The following DGKI variants were observed in gnomAD, a reference collection of about 807,000 sequenced individuals.
DGKI encodes DAG kinase iota.
A neutral mutation model predicts 147.5 loss-of-function variants in DGKI; 55 were observed. That is an observed-to-expected ratio of 0.37 (90% CI 0.30 to 0.47). The LOEUF (loss-of-function observed/expected upper bound fraction) is 0.47. Among genes scored for constraint, DGKI ranks in the 20% least tolerant of loss-of-function variants. The pLI, the probability that DGKI is intolerant of heterozygous loss-of-function variation, is 1.00. For missense variants in DGKI, 1,007 were observed against 1,323.8 expected (o/e 0.76, Z 3.71); for synonymous variants, 469 against 477.1 (o/e 0.98, Z 0.22).
intron 1 of DGKI, among the ~76,000 whole-genome samples, chr7:137,780,507 G>T (rs984412565): frequency 3.3e-5 from 5 of 152,154 alleles, no homozygotes; most frequent in African/African-American, 1.2e-4. Flanking sequence ...AAAAGGAAGG[G>T]TGTCTACAAG....
chr7:137,679,367 T>C (rs1823149224), intron 2 of DGKI, among the ~76,000 whole-genome samples: 1 of 151,580 alleles, frequency 6.6e-6, no homozygotes, highest in Non-Finnish European at 1.5e-5. Context: ...TTTCCAGAAA[T>C]GTGTAGTGCG....
intron 1 of DGKI, among the ~76,000 whole-genome samples, chr7:137,770,335 G>A (rs866585017): frequency 1.3e-5 from 2 of 152,058 alleles, no homozygotes; most frequent in African/African-American, 2.4e-5. Context: ...AGGCAGGGGA[G>A]GGAGAGCATT....
intron 16 of DGKI, 31 bp downstream of exon 16, chr7:137,578,239 G>C (rs749808667): frequency 6.7e-7 from 1 of 1,489,604 alleles, no homozygotes; most frequent in Admixed American, 1.7e-5. Flanking sequence ...TAAGTAATAT[G>C]TAGTAATTAT....
chr7:137,803,149 T>C (rs1398440166), intron 1 of DGKI, among the ~76,000 whole-genome samples: 1 of 152,080 alleles, frequency 6.6e-6, no homozygotes, highest in African/African-American at 2.4e-5. Flanking sequence ...TTTCTACATT[T>C]GGAGAGAAGG....
chr7:137,669,941 T>G (rs1822782301), intron 3 of DGKI, among the ~76,000 whole-genome samples: 1 of 152,134 alleles, frequency 6.6e-6, no homozygotes, highest in South Asian at 2.1e-4. Flanking sequence ...CACTGACTCC[T>G]AAGATCCTAC....
intron 3 of DGKI, among the ~76,000 whole-genome samples, chr7:137,658,931 G>A (rs997792040): frequency 5.3e-5 from 8 of 152,202 alleles, no homozygotes; most frequent in African/African-American, 1.9e-4. Flanking sequence ...GTCGAGTGCT[G>A]TAAGTTCTAA....
chr7:137,567,211 C>G (rs2128973897), intron 19 of DGKI, among the ~76,000 whole-genome samples: 1 of 150,776 alleles, frequency 6.6e-6, no homozygotes, highest in South Asian at 2.1e-4. Context: ...TTACAGTGAG[C>G]CGAGATTGCA....
intron 1 of DGKI, among the ~76,000 whole-genome samples, chr7:137,735,908 G>T (rs995639335): frequency 6.6e-6 from 1 of 152,010 alleles, no homozygotes; most frequent in Non-Finnish European, 1.5e-5. Context: ...GCTACCGTCC[G>T]CTATGTCAGT....
intron 1 of DGKI, among the ~76,000 whole-genome samples, chr7:137,795,583 T>C (rs1306092175): frequency 6.6e-6 from 1 of 152,106 alleles, no homozygotes; most frequent in Non-Finnish European, 1.5e-5. Flanking sequence ...AACTTAAAAA[T>C]CAAAATATGG....
chr7:137,438,787 A>G (rs1585115952), intron 28 of DGKI, among the ~76,000 whole-genome samples: 1 of 152,334 alleles, frequency 6.6e-6, no homozygotes, highest in East Asian at 1.9e-4. Context: ...GCACTCATCC[A>G]TAAGGATGAA....
intron 27 of DGKI, among the ~76,000 whole-genome samples, chr7:137,462,720 G>T (rs1412386846): frequency 6.6e-6 from 1 of 152,104 alleles, no homozygotes; most frequent in South Asian, 2.1e-4. Context: ...CAGGTAAACT[G>T]GAAACCAGCC....
chr7:137,802,346 C>T (rs1202879874), intron 1 of DGKI, among the ~76,000 whole-genome samples: 1 of 152,136 alleles, frequency 6.6e-6, no homozygotes, highest in African/African-American at 2.4e-5. Flanking sequence ...AGAATGTATC[C>T]ATGTAACCTA....
chr7:137,626,048 T>C (rs568207090), intron 6 of DGKI, among the ~76,000 whole-genome samples: 1 of 152,342 alleles, frequency 6.6e-6, no homozygotes, highest in South Asian at 2.1e-4. Flanking sequence ...GTGACTCTCC[T>C]GGGAGAGGAC....
intron 2 of DGKI, among the ~76,000 whole-genome samples, chr7:137,681,590 AGGCACTGAGATTCT>A (rs1823237152): frequency 6.6e-6 from 1 of 152,234 alleles, no homozygotes; most frequent in Non-Finnish European, 1.5e-5. Context: ...CACTGGTGCC[AGGCACTGAGATTCT>A]GTGTTAATCA....
At chr7:137,610,028 C>T (rs1820311935) in intron 8 of DGKI, among the ~76,000 whole-genome samples, 1 of 152,014 alleles carries the variant, frequency 6.6e-6, no homozygotes, top group Admixed American at 6.5e-5. Flanking sequence ...AAAAGGAGGC[C>T]ATTTTTCATG....
intron 1 of DGKI, among the ~76,000 whole-genome samples, chr7:137,798,534 A>T (rs1474221827): frequency 6.6e-6 from 1 of 152,020 alleles, no homozygotes; most frequent in Non-Finnish European, 1.5e-5. Context: ...TGATCTTCCC[A>T]CCTCAGCCTC....
chr7:137,481,764 C>T (rs1168305776), intron 23 of DGKI, among the ~76,000 whole-genome samples: 1 of 151,976 alleles, frequency 6.6e-6, no homozygotes, highest in Non-Finnish European at 1.5e-5. Flanking sequence ...ACGTGTACAC[C>T]TTTCTAAATG....
Position 137,587,051 on chromosome 7 carries a change from G to A in DGKI, c.1425+46C>T, listed in dbSNP as rs200965921. On this transcript the variant is annotated intron_variant, in intron 13 of 32. Transcript: ENST00000614521. ...TAGAACATCAGTGGATCTGGAATCC[G>A]GTTTGTTGTTTGATGATATGGGCAG... 101 of 1,355,880 alleles carry A rather than the reference G, an allele frequency of 7.4e-5. No individual in the cohort carries two copies. In the African/African-American group the frequency reaches 1.0e-3, roughly 14 times the overall value. The allele number at this position is 1,355,880 out of a possible 1,614,324, so 84.0% of individuals were successfully genotyped here.
At chr7:137,499,795 G>A (rs1214642723) in intron 21 of DGKI, among the ~76,000 whole-genome samples, 1 of 152,050 alleles carries the variant, frequency 6.6e-6, no homozygotes, top group Non-Finnish European at 1.5e-5. Context: ...GGACTTCTTG[G>A]CCACTATAAT....
Sources: allele counts gnomAD v4.1 joint callset (sites outside exome capture counted in the v4.1 genomes callset), GRCh38; gene constraint gnomAD v4.1.1; transcripts MANE v1.5; gene names NCBI Gene and HGNC (gene_info 2026-07-23, HGNC 2026-07-21).